CELF1: variants seen among roughly 807,000 people sequenced by gnomAD.
CELF1 encodes the protein 50 kDa nuclear polyadenylated RNA-binding protein.
Under a neutral mutation model 61.8 loss-of-function variants are expected in CELF1, and 10 were observed. The observed-to-expected ratio is 0.16, with a 90% CI of 0.10 to 0.27. The LOEUF (loss-of-function observed/expected upper bound fraction) is 0.27. Among genes scored for constraint, CELF1 ranks in the 10% least tolerant of loss-of-function variants. CELF1 has a pLI of 1.00. For missense variants in CELF1, 380 were observed against 639.1 expected, an observed-to-expected ratio of 0.59 and a Z score of 4.37; for synonymous variants, 236 against 225.1, an observed-to-expected ratio of 1.05 and a Z score of -0.43.
At chr11:47,510,394 C>T (rs2095025741) in intron 1 of CELF1, among the ~76,000 whole-genome samples, 1 of 152,140 alleles carries the variant, frequency 6.6e-6, no homozygotes, top group South Asian at 2.1e-4. Context: ...ATAGCACGTG[C>T]TAGATCACAA....
At chr11:47,507,588 C>T (rs575175080) in intron 1 of CELF1, among the ~76,000 whole-genome samples, 66 of 152,306 alleles carry the variant, frequency 4.3e-4, no homozygotes, top group African/African-American at 1.5e-3. Flanking sequence ...TTCTATAAAA[C>T]TGCCCAAATT....
chr11:47,517,945 GA>G (rs1475336319), intron 1 of CELF1, among the ~76,000 whole-genome samples: 5 of 152,060 alleles, frequency 3.3e-5, no homozygotes, highest in Non-Finnish European at 7.4e-5. Context: ...CCGGCCTACT[GA>G]AAATTTTTTT....
At chr11:47,490,689 G>C (rs542430606) in intron 3 of CELF1, among the ~76,000 whole-genome samples, 106 of 151,238 alleles carry the variant, frequency 7.0e-4, no homozygotes, top group African/African-American at 2.2e-3. Flanking sequence ...GTCTCCCAAA[G>C]TGCTGGATTA....
chr11:47,541,462 G>A (rs979172919), intron 1 of CELF1, among the ~76,000 whole-genome samples: 21 of 151,880 alleles, frequency 1.4e-4, no homozygotes, highest in Non-Finnish European at 2.5e-4. Context: ...AGGCCAAGGC[G>A]GGTGGATCTC....
intron 1 of CELF1, chr11:47,513,737 G>T (rs1439464597): frequency 6.6e-6 from 1 of 151,310 alleles, no homozygotes; most frequent in East Asian, 1.9e-4. Context: ...TTACAGGCGT[G>T]AGCCACTGCG....
intron 1 of CELF1, among the ~76,000 whole-genome samples, chr11:47,521,623 A>T (rs1263934901): frequency 6.6e-6 from 1 of 152,250 alleles, no homozygotes. Flanking sequence ...TTAAATTTAT[A>T]CATGTAAAGC....
At chr11:47,536,511 C>A (rs1355492065) in intron 1 of CELF1, among the ~76,000 whole-genome samples, 1 of 152,110 alleles carries the variant, frequency 6.6e-6, no homozygotes, top group Non-Finnish European at 1.5e-5. Context: ...GTAATCTCAG[C>A]ACTTTGGGAG....
chr11:47,535,476 C>T (rs1229718264), intron 1 of CELF1, among the ~76,000 whole-genome samples: 4 of 151,638 alleles, frequency 2.6e-5, no homozygotes, highest in Non-Finnish European at 4.4e-5. Context: ...TTCAGGAGTT[C>T]GAGACCAGCC....
At chr11:47,531,188 A>C (rs1419014849) in intron 1 of CELF1, among the ~76,000 whole-genome samples, 15 of 152,126 alleles carry the variant, frequency 9.9e-5, no homozygotes, top group South Asian at 2.1e-4. Context: ...TCGATGTTAC[A>C]GTGAGCTGAG....
chr11:47,534,028 T>C lies in CELF1; in HGVS notation c.-154+18964A>G, dbSNP rs1370204310. Among the ~76,000 whole-genome samples the C allele has an allele frequency of 1.9e-3, 263 of 141,128 alleles. 1 individual carries two copies. The highest frequency in any genetic ancestry group is 0.014 in the Middle Eastern group (4 of 286). 92.6% of individuals were successfully genotyped at this position (141,128 alleles called of 152,430 possible). On this transcript the variant is annotated intron_variant, in intron 1 of 14. Transcript: ENST00000687097. ...ATTTAGCATTTTTTCTTTCCTTTTT[T>C]TTTTTTTTTTTTTTTTGGACATAGA...
Position 47,533,635 on chromosome 11 carries a change from A to AATACATACATACATACATACATAC in CELF1, c.-154+19356_-154+19357insGTATGTATGTATGTATGTATGTAT, listed in dbSNP as rs61663256. On this transcript the variant is annotated intron_variant, in intron 1 of 14. Coordinates refer to ENST00000687097, the MANE Select transcript of CELF1 (RefSeq NM_001376376.1). Reference sequence around the variant, plus strand: ...GAGACTCCATTTCAAAAAATAAATAAATACATACATACATACATACATAAA... The same window carrying AATACATACATACATACATACATAC: ...GAGACTCCATTTCAAAAAATAAATAAATACATACATACATACATACATACATACATACATACATACATACATAAA... Among the ~76,000 whole-genome samples, 6 of 148,858 alleles carry AATACATACATACATACATACATAC rather than the reference A, an allele frequency of 4.0e-5. No homozygotes were observed. In the East Asian group the frequency reaches 8.0e-4, roughly 20 times the overall value.
At chr11:47,549,810 G>A (rs1411947538) in intron 1 of CELF1, among the ~76,000 whole-genome samples, 1 of 142,134 alleles carries the variant, frequency 7.0e-6, no homozygotes, top group Non-Finnish European at 1.6e-5. Context: ...AAATGTTGTG[G>A]GTTTTTTTTG....
chr11:47,525,054 G>A (rs1234378125), intron 1 of CELF1, among the ~76,000 whole-genome samples: 3 of 152,156 alleles, frequency 2.0e-5, no homozygotes, highest in African/African-American at 4.8e-5. Context: ...GTAGTGGTGA[G>A]GCTCAATTTA....
intron 1 of CELF1, among the ~76,000 whole-genome samples, chr11:47,506,072 G>C (rs911989604): frequency 6.6e-6 from 1 of 151,006 alleles, no homozygotes; most frequent in Admixed American, 6.7e-5. Context: ...TGCCACACTG[G>C]AAGAGGAATT....
At position 47,508,697 on chromosome 11, in the gene CELF1, C is replaced by T. The variant is rs114806984; in HGVS notation, c.-153-7765G>A. On this transcript the variant is annotated intron_variant, in intron 1 of 14. Transcript: ENST00000687097. The stretch of plus-strand genomic sequence containing the variant: ...TCAAACACACACACACACACACACA[C>T]ATAAATAAACAACACTGTAATCTTC... 3.3e-3 allele frequency among the ~76,000 whole-genome samples: 481 copies of T among 147,366 alleles called. 2 individuals carry two copies. The highest frequency in any genetic ancestry group is 0.012 in the African/African-American group (461 of 37,978).
At chr11:47,474,335 C>T (rs1181645259) in intron 13 of CELF1, among the ~76,000 whole-genome samples, 1 of 152,176 alleles carries the variant, frequency 6.6e-6, no homozygotes, top group Non-Finnish European at 1.5e-5. Context: ...TTTTCCTATG[C>T]CCCTGTTACT....
chr11:47,497,370 G>C (rs537651563), intron 3 of CELF1, among the ~76,000 whole-genome samples: 1 of 152,318 alleles, frequency 6.6e-6, no homozygotes, highest in South Asian at 2.1e-4. Flanking sequence ...AAGCTTAAGA[G>C]TGATCAATGA....
intron 3 of CELF1, among the ~76,000 whole-genome samples, chr11:47,496,263 A>C (rs2093075267): frequency 6.6e-6 from 1 of 152,256 alleles, no homozygotes; most frequent in African/African-American, 2.4e-5. Flanking sequence ...ATAATAATTT[A>C]AAGTCACCAT....
At chr11:47,491,049 A>C (rs1178441442) in intron 3 of CELF1, among the ~76,000 whole-genome samples, 3 of 149,824 alleles carry the variant, frequency 2.0e-5, no homozygotes, top group Non-Finnish European at 1.5e-5. Context: ...TTTAGTAGAG[A>C]TGGGGCTTTG....
Sources: gnomAD v4.1 joint callset for allele counts (sites outside exome capture counted in the v4.1 genomes callset) on GRCh38, gnomAD v4.1.1 for gene constraint, MANE v1.5 for transcripts, NCBI Gene and HGNC (gene_info 2026-07-23, HGNC 2026-07-21) for gene names.